Variants in FAM168A observed in about 807,000 individuals in gnomAD.
FAM168A encodes the protein family with sequence similarity 168 member A.
FAM168A carries 3 observed loss-of-function variants against 28.5 expected under a neutral mutation model. The observed-to-expected ratio is 0.11, with a 90% confidence interval of 0.05 to 0.27. The LOEUF (loss-of-function observed/expected upper bound fraction) is 0.27, where lower values mean the gene tolerates loss of function less well. Ranked by LOEUF, FAM168A falls within the 10% of genes least tolerant of loss-of-function variation. The pLI is 1.00. For synonymous variants in FAM168A, 122 were observed against 124.2 expected (o/e 0.98, Z 0.12); for missense variants, 222 against 311.5 (o/e 0.71, Z 2.16).
chr11:73,415,688 G>A lies in FAM168A; in HGVS notation c.278-4152C>T, dbSNP rs142334409. On this transcript the variant is annotated intron_variant, in intron 4 of 7. Transcript: ENST00000356467. ...TCCCCTGGAGCTATAGCCTGAGCTT[G>A]GGTGACACAAAAATCAGGGTTTATT... Among the ~76,000 whole-genome samples, 17 of 152,306 alleles carry A rather than the reference G, an allele frequency of 1.1e-4. No homozygotes were observed. The East Asian group carries it at 3.3e-3, about 29-fold the overall frequency.
chr11:73,551,312 A>C (rs1943826478), intron 1 of FAM168A, among the ~76,000 whole-genome samples: 2 of 152,182 alleles, frequency 1.3e-5, no homozygotes, highest in Admixed American at 1.3e-4. Flanking sequence ...GATTTGGTGG[A>C]GGTGAGACAG....
intron 1 of FAM168A, 83 bp from the exon 2 acceptor site, chr11:73,468,575 T>G: frequency 8.4e-7 from 1 of 1,184,810 alleles, no homozygotes; most frequent in South Asian, 1.4e-5. Flanking sequence ...ATCTTCAGTT[T>G]TCCCTGAAAG....
intron 3 of FAM168A, among the ~76,000 whole-genome samples, chr11:73,421,326 G>A (rs1366186132): frequency 5.3e-5 from 8 of 152,222 alleles, no homozygotes; most frequent in Admixed American, 5.2e-4. Flanking sequence ...GCCAGAGAAG[G>A]TCAGGGACTG....
In FAM168A at chr11:73,542,850, A is replaced by C. The variant is rs545887318; in HGVS notation, c.-19+55073T>G. On this transcript the variant is annotated intron_variant, in intron 1 of 7. Transcript: ENST00000356467. ...TTCTGAGGGGGCCAAAAGCACAGAC[A>C]CCAAGAAGAATATGCAAGCCTTGGA... is the stretch of plus-strand genomic sequence containing the variant. Among the ~76,000 whole-genome samples, 4 of 152,326 alleles carry C rather than the reference A, an allele frequency of 2.6e-5. No individual in the cohort carries two copies. The South Asian group carries it at 8.3e-4, about 32-fold the overall frequency.
chr11:73,485,798 G>A (rs1157924664), intron 1 of FAM168A, among the ~76,000 whole-genome samples: 1 of 152,056 alleles, frequency 6.6e-6, no homozygotes, highest in Admixed American at 6.5e-5. Flanking sequence ...GTCAAACCAG[G>A]CCCAATGTGC....
At chr11:73,496,785 C>T (rs1426629811) in intron 1 of FAM168A, among the ~76,000 whole-genome samples, 1 of 152,006 alleles carries the variant, frequency 6.6e-6, no homozygotes, top group Non-Finnish European at 1.5e-5. Flanking sequence ...TGGTCTTGAT[C>T]TCCTGACCTC....
intron 2 of FAM168A, among the ~76,000 whole-genome samples, chr11:73,449,609 C>T (rs1341362562): frequency 6.6e-6 from 1 of 151,994 alleles, no homozygotes; most frequent in African/African-American, 2.4e-5. Context: ...CAATTCAGAG[C>T]TCCCAGCTGG....
In FAM168A at chr11:73,407,541, G is replaced by A. The variant is rs1413426463; in HGVS notation, c.698C>T (p.Pro233Leu). The A allele has an allele frequency of 6.3e-7, 1 of 1,590,564 alleles. No individual in the cohort carries two copies. Among genetic ancestry groups the A allele is most frequent in the East Asian group, 2.3e-5 (1 of 42,830 alleles). ...GATGGGCTGCAGGCTTTACCAGTGT[G>A]GGGGCACGTAGCTGTACGCAGGGGT... is the stretch of plus-strand genomic sequence containing the variant. The part of the protein sequence containing the change: ...QGTPAYSYVP[P>L]HW Residue 233 changes from proline (P) to leucine (L), a missense_variant, in exon 7 of 8, where the codon CCA (proline) becomes CTA (leucine). Around this residue, in one of 3 missense-constraint regions of FAM168A, gnomAD observed 64 missense variants for 94.6 expected, o/e 0.68. Transcript: ENST00000356467.
In FAM168A at chr11:73,419,999, G is replaced by A; in HGVS notation, c.152C>T (p.Ala51Val). ...YPTNSPSYAPATLLMKQAWPQ... is the reference protein window; with the variant it reads ...YPTNSPSYAPVTLLMKQAWPQ... ...CCAGGCCTGTTTCATCAGCAGAGTT[G>A]CTTAAGGGAAGACACAAGAATGGCA... Residue 51 changes from alanine to valine, a missense_variant and splice_region_variant, in exon 4 of 8, where the codon GCA (alanine) becomes GTA (valine). Ala to Val is a moderately conservative substitution (Grantham distance 64). This residue lies in a region of FAM168A where 153 missense variants were observed against 189.2 expected (regional missense o/e 0.81). Transcript: ENST00000356467. 6.2e-7 allele frequency: 1 copy of A among 1,613,274 alleles called. No individual in the cohort carries two copies. The highest frequency in any genetic ancestry group is 8.5e-7 in the Non-Finnish European group (1 of 1,179,508).
intron 3 of FAM168A, chr11:73,430,423 A>G (rs571621999): frequency 7.6e-6 from 3 of 393,368 alleles, no homozygotes; most frequent in South Asian, 2.2e-5. Context: ...AAAAGGTTCT[A>G]TGAGGAGGAT....
intron 1 of FAM168A, among the ~76,000 whole-genome samples, chr11:73,502,027 G>A (rs536084084): frequency 1.6e-4 from 25 of 151,732 alleles, no homozygotes; most frequent in Middle Eastern, 3.4e-3. Flanking sequence ...CATGAACCCC[G>A]GAGGCGGAGC....
At chr11:73,451,524 A>AGT (rs1867429573) in intron 2 of FAM168A, among the ~76,000 whole-genome samples, 2 of 152,234 alleles carry the variant, frequency 1.3e-5, no homozygotes, top group Non-Finnish European at 2.9e-5. Flanking sequence ...TAAAGATATA[A>AGT]ACAATTATAA....
intron 2 of FAM168A, among the ~76,000 whole-genome samples, chr11:73,433,076 CTTTTTTTTTTTTTTT>C (rs34994742): frequency 2.5e-5 from 2 of 80,602 alleles, no homozygotes; most frequent in Admixed American, 1.3e-4. Context: ...CACGCCCCGC[CTTTTTTTTTTTTTTT>C]TTTTTTTTTT....
intron 7 of FAM168A, among the ~76,000 whole-genome samples, chr11:73,407,157 G>T (rs530361171): frequency 6.6e-6 from 1 of 152,328 alleles, no homozygotes; most frequent in African/African-American, 2.4e-5. Context: ...CTAGAGAACT[G>T]AAGTTTAAGC....
chr11:73,501,453 T>G (rs1171601148), intron 1 of FAM168A, among the ~76,000 whole-genome samples: 1 of 152,176 alleles, frequency 6.6e-6, no homozygotes, highest in African/African-American at 2.4e-5. Flanking sequence ...AAAACACTTC[T>G]CAGCAAAAGC....
chr11:73,409,060 C>A (rs1464113975), intron 6 of FAM168A, among the ~76,000 whole-genome samples: 1 of 152,112 alleles, frequency 6.6e-6, no homozygotes, highest in African/African-American at 2.4e-5. Flanking sequence ...CTAACCACAT[C>A]CCTGCCCTGC....
intron 1 of FAM168A, chr11:73,580,405 A>C: frequency 1.6e-6 from 1 of 618,950 alleles, no homozygotes; most frequent in South Asian, 1.4e-5. Context: ...GAGAGAAGGT[A>C]CCCAAAGGGA....
intron 1 of FAM168A, among the ~76,000 whole-genome samples, chr11:73,535,909 C>T (rs935390701): frequency 7.3e-5 from 11 of 150,848 alleles, no homozygotes; most frequent in African/African-American, 1.2e-4. Context: ...CACTCTGTCA[C>T]TCATGGCTCA....
rs1210711320 is a variant in FAM168A, at chr11:73,504,298, G to A, written c.-18-35806C>T. On this transcript the variant is annotated intron_variant, in intron 1 of 7. Transcript: ENST00000356467. ...GCCAGAATTTACAAGGAACTTAAAC[G>A]TATTTACAAGAAAAAAACAAGCAAC... Among the ~76,000 whole-genome samples, 9 of 150,592 alleles carry A rather than the reference G, an allele frequency of 6.0e-5. 1 individual carries two copies. The highest frequency in any genetic ancestry group is 3.0e-5 in the Non-Finnish European group (2 of 67,686).
Sources: allele counts gnomAD v4.1 joint callset (sites outside exome capture counted in the v4.1 genomes callset), GRCh38; gene constraint gnomAD v4.1.1; regional missense constraint gnomAD v4.1.1; transcripts MANE v1.5; gene names NCBI Gene and HGNC (gene_info 2026-07-23, HGNC 2026-07-21).